The following KCTD13 variants were observed in gnomAD, a reference collection of about 807,000 sequenced individuals.
KCTD13 encodes BTB/POZ domain-containing adapter for CUL3-mediated RhoA degradation protein 1.
Under a neutral mutation model 32.3 loss-of-function variants are expected in KCTD13, and 15 were observed. The ratio of observed to expected loss-of-function variants is 0.46; its 90% confidence interval spans 0.31 to 0.71. The LOEUF is 0.71. Ranked by LOEUF, KCTD13 falls within the 30% of genes least tolerant of loss-of-function variation. The probability of loss-of-function intolerance (pLI) is 0.05; values close to 1 mark genes in which losing one functional copy is unlikely to be tolerated. For synonymous variants in KCTD13, 189 were observed against 200.1 expected (o/e 0.94, Z 0.47); for missense variants, 337 against 452.6 (o/e 0.74, Z 2.32).
intron 2 of KCTD13, chr16:29,912,394 C>T (rs935299832): frequency 2.5e-6 from 1 of 397,984 alleles, no homozygotes; most frequent in African/African-American, 2.1e-5. Flanking sequence ...CTCCCCAGCC[C>T]CCCTGGCTAA....
intron 1 of KCTD13, among the ~76,000 whole-genome samples, chr16:29,923,867 T>TA (rs2068954432): frequency 1.7e-5 from 2 of 118,726 alleles, no homozygotes; most frequent in African/African-American, 3.2e-5. Context: ...AACAAAAAAA[T>TA]AAAAAAAGAA....
chr16:29,926,053 C>G lies in KCTD13; in HGVS notation c.-20G>C, dbSNP rs2068992827. 6.8e-7 allele frequency: 1 copy of G among 1,479,936 alleles called. No homozygotes were observed. The allele number at this position is 1,479,936 out of a possible 1,614,324, so 91.7% of individuals were successfully genotyped here. A position where few individuals can be genotyped will look rare whatever the true frequency, so the allele number is the denominator to read the frequency against. On this transcript the variant is annotated 5_prime_UTR_variant, in exon 1 of 6. Coordinates refer to ENST00000568000, the MANE Select transcript of KCTD13 (RefSeq NM_178863.5). ...CGACATGCCGGGTAGCAGCGGCGGA[C>G]GGCGATCCCAGGATCTCTCCGCGCC...
At chr16:29,908,042 AG>A (rs1234570250) in intron 5 of KCTD13, among the ~76,000 whole-genome samples, 1 of 151,562 alleles carries the variant, frequency 6.6e-6, no homozygotes, top group African/African-American at 2.4e-5. Flanking sequence ...CATCAGGAAA[AG>A]GGGATGTGAT....
At position 29,926,186 on chromosome 16, in the gene KCTD13, C is replaced by A; in HGVS notation, c.-153G>T. ...TACTCTGCAAGACCGGCCCTCCGCC[C>A]CATCTCGCTCGCACCACCCGGAAGC... On this transcript the variant is annotated 5_prime_UTR_variant, in exon 1 of 6. Transcript: ENST00000568000. 1 of 894,366 alleles carries A rather than the reference C, an allele frequency of 1.1e-6. No homozygotes were observed. Among genetic ancestry groups the A allele is most frequent in the South Asian group, 2.4e-5 (1 of 41,520 alleles). 55.4% of individuals were successfully genotyped at this position (894,366 alleles called of 1,614,324 possible).
Position 29,923,197 on chromosome 16 carries a change from G to A in KCTD13, c.407C>T (p.Ala136Val), listed in dbSNP as rs780187212. The change falls in exon 2 of 6, where the codon GCG (alanine) becomes GTG (valine). Residue 136 changes from alanine (A) to valine (V), a missense_variant. Coordinates refer to ENST00000568000, the MANE Select transcript of KCTD13 (RefSeq NM_178863.5). ...GACTCCGAAGGCCCTCACCTGCAGCGCCAGCTGGCAGTCCTCAATCAGGCC... is the reference window on the plus strand; with the variant it reads ...GACTCCGAAGGCCCTCACCTGCAGCACCAGCTGGCAGTCCTCAATCAGGCC... ...VQGLIEDCQL[A>V]LQQKRETLSP... 36 of 1,613,956 alleles carry A rather than the reference G, an allele frequency of 2.2e-5. No individual in the cohort carries two copies. The highest frequency in any genetic ancestry group is 5.5e-5 in the South Asian group (5 of 91,088).
rs763964619 is a variant in KCTD13 at position 29,925,921 on chromosome 16, G to C, written c.113C>G (p.Pro38Arg). The change falls in exon 1 of 6, where the codon CCG becomes CGG. Residue 38 changes from proline to arginine, a missense_variant. Coordinates refer to ENST00000568000, the MANE Select transcript of KCTD13 (RefSeq NM_178863.5). ...PAAYGLKPLT[P>R]NSKYVKLNVG... ...GTTCAGCTTCACGTATTTGCTGTTC[G>C]GGGTCAGCGGCTTGAGACCGTAGGC... 8 of 1,614,052 alleles carry C rather than the reference G, an allele frequency of 5.0e-6. No homozygotes were observed. In the South Asian group the frequency reaches 7.7e-5, roughly 16 times the overall value.
At chr16:29,911,712 G>T in intron 4 of KCTD13, 103 bp downstream of exon 4, 1 of 1,270,060 alleles carries the variant, frequency 7.9e-7, no homozygotes, top group Non-Finnish European at 1.1e-6. Flanking sequence ...AGGCACAGAT[G>T]TTCTTGTAGG....
At chr16:29,912,156 T>C in intron 2 of KCTD13, 107 bp from the exon 3 acceptor site, 2 of 737,086 alleles carry the variant, frequency 2.7e-6, no homozygotes, top group Non-Finnish European at 4.7e-6. Flanking sequence ...TCCTCAGTGG[T>C]CCGCAGGGCT....
At chr16:29,920,905 T>G (rs1441345605) in intron 2 of KCTD13, 1 of 152,196 alleles carries the variant, frequency 6.6e-6, no homozygotes, top group East Asian at 1.9e-4. Flanking sequence ...GACAGGAGAC[T>G]GGCACAGAAT....
At chr16:29,917,713 A>C (rs1211008735) in intron 2 of KCTD13, among the ~76,000 whole-genome samples, 1 of 152,142 alleles carries the variant, frequency 6.6e-6, no homozygotes, top group Non-Finnish European at 1.5e-5. Flanking sequence ...CGGGAGGCAG[A>C]GGTTGCAGTG....
intron 2 of KCTD13, chr16:29,919,956 A>G (rs1302047802): frequency 1.3e-5 from 2 of 152,236 alleles, no homozygotes; most frequent in Non-Finnish European, 2.9e-5. Flanking sequence ...AATATTGGCG[A>G]TATCTACATT....
At chr16:29,925,568 A>C in intron 1 of KCTD13, 1 of 575,646 alleles carries the variant, frequency 1.7e-6, no homozygotes. Flanking sequence ...GGGTTCCGTA[A>C]GTGTTGGTTA....
intron 2 of KCTD13, 26 bp downstream of exon 2, chr16:29,923,164 G>A (rs1402748159): frequency 6.2e-7 from 1 of 1,612,566 alleles, no homozygotes; most frequent in African/African-American, 1.3e-5. Context: ...CAGGAACATA[G>A]GCATGGGGAC....
chr16:29,911,032 G>A lies in KCTD13; in HGVS notation c.699C>T (p.Ile233=), dbSNP rs929615760. The change falls in exon 5 of 6, where the codon ATC becomes ATT. Residue 233 remains isoleucine (I), a synonymous_variant. Transcript: ENST00000568000. ...CWSFYGQGRK[I]AEVCCTSIVY... is the part of the protein sequence containing the mutation. The stretch of plus-strand genomic sequence containing the variant: ...CAATGGAGGTGCAGCACACCTCGGC[G>A]ATTTTGCGGCCCTGCCCGTAGAAAG... 3.0e-5 allele frequency: 49 copies of A among 1,614,050 alleles called. No individual in the cohort carries two copies. The highest frequency in any genetic ancestry group is 3.7e-5 in the Non-Finnish European group (44 of 1,180,026).
rs1000236584 is a variant in KCTD13 at position 29,910,828 on chromosome 16, G to T, written c.753+150C>A. ...GAGAAACAGAGACCCACAGGGATAG[G>T]GTGGCTTGCCCACTGTTGTGCACCC... On this transcript the variant is annotated intron_variant, in intron 5 of 5. Transcript: ENST00000568000. 104 of 647,266 alleles carry T rather than the reference G, an allele frequency of 1.6e-4. No homozygotes were observed. In the African/African-American group the frequency reaches 1.8e-3, roughly 11 times the overall value. 40.1% of individuals were successfully genotyped at this position (647,266 alleles called of 1,614,324 possible).
Position 29,925,649 on chromosome 16 carries a change from G to T in KCTD13, c.244+141C>A, listed in dbSNP as rs1380558613. On this transcript the variant is annotated intron_variant, in intron 1 of 5. Coordinates refer to ENST00000568000, the MANE Select transcript of KCTD13 (RefSeq NM_178863.5). ...GAGAAAGGGGAGGAGATGGGATGTG[G>T]GGGCTGGAGGGAGCTGAGAATGAGT... The T allele has an allele frequency of 1.4e-5, 11 of 760,390 alleles. No homozygotes were observed. In the South Asian group the frequency reaches 1.7e-4, roughly 11 times the overall value. 47.1% of individuals were successfully genotyped at this position (760,390 alleles called of 1,614,324 possible). A position where few individuals can be genotyped will look rare whatever the true frequency, so the allele number is the denominator to read the frequency against.
In KCTD13 at chr16:29,926,179, C is replaced by T. The variant is rs1159101554; in HGVS notation, c.-146G>A. On this transcript the variant is annotated 5_prime_UTR_variant, in exon 1 of 6. Coordinates refer to ENST00000568000, the MANE Select transcript of KCTD13 (RefSeq NM_178863.5). Reference sequence around the variant, plus strand: ...CCGCAGCTACTCTGCAAGACCGGCCCTCCGCCCCATCTCGCTCGCACCACC... The same window carrying T: ...CCGCAGCTACTCTGCAAGACCGGCCTTCCGCCCCATCTCGCTCGCACCACC... 5 of 958,062 alleles carry T rather than the reference C, an allele frequency of 5.2e-6. No homozygotes were observed. In the East Asian group the frequency reaches 1.3e-4, roughly 25 times the overall value. The allele number at this position is 958,062 out of a possible 1,614,324, so 59.3% of individuals were successfully genotyped here.
chr16:29,925,783 C>T lies in KCTD13; in HGVS notation c.244+7G>A. 1 of 1,612,954 alleles carries T rather than the reference C, an allele frequency of 6.2e-7. No homozygotes were observed. Among genetic ancestry groups the T allele is most frequent in the South Asian group, 1.1e-5 (1 of 90,986 alleles). On this transcript the variant is annotated splice_region_variant and intron_variant, in intron 1 of 5. Coordinates refer to ENST00000568000, the MANE Select transcript of KCTD13 (RefSeq NM_178863.5). ...GGGTGGGGGCACGGTAGGGGCGCCG[C>T]TCGTACCTCCGGCATCGGTCAGCAC...
intron 5 of KCTD13, among the ~76,000 whole-genome samples, chr16:29,910,232 T>C (rs2068682468): frequency 6.6e-6 from 1 of 151,366 alleles, no homozygotes; most frequent in African/African-American, 2.4e-5. Flanking sequence ...ACCCCGTTTC[T>C]ACTAAAAATA....
Sources: gnomAD v4.1 joint callset for allele counts (sites outside exome capture counted in the v4.1 genomes callset) on GRCh38, gnomAD v4.1.1 for gene constraint, MANE v1.5 for transcripts, NCBI Gene and HGNC (gene_info 2026-07-23, HGNC 2026-07-21) for gene names.